ITPK1: variants seen among roughly 807,000 people sequenced by gnomAD.
ITPK1 encodes the protein inositol-tetrakisphosphate 1-kinase.
Under a neutral mutation model 45.3 loss-of-function variants are expected in ITPK1, and 21 were observed. The observed-to-expected ratio is 0.46, with a 90% CI of 0.33 to 0.67. The LOEUF is 0.67. Ranked by LOEUF, ITPK1 falls within the 30% of genes least tolerant of loss-of-function variation. The pLI, the probability that ITPK1 is intolerant of heterozygous loss-of-function variation, is 0.02. For synonymous variants in ITPK1, 258 were observed against 253.6 expected (o/e 1.02, Z -0.16); for missense variants, 474 against 573.5 (o/e 0.83, Z 1.77).
chr14:92,951,915 C>A, intron 9 of ITPK1, 31 bp downstream of exon 9: 1 of 1,549,738 alleles, frequency 6.5e-7, no homozygotes, highest in African/African-American at 1.4e-5. Context: ...AGGGCAGTTT[C>A]AGGCCAGGCC....
At chr14:93,028,090 C>T (rs1888836442) in intron 3 of ITPK1, among the ~76,000 whole-genome samples, 1 of 152,224 alleles carries the variant, frequency 6.6e-6, no homozygotes, top group African/African-American at 2.4e-5. Context: ...CCCAACATGC[C>T]CTGGTTCCCT....
chr14:92,987,340 G>A (rs1050647329), intron 5 of ITPK1, among the ~76,000 whole-genome samples: 2 of 152,310 alleles, frequency 1.3e-5, no homozygotes, highest in South Asian at 2.1e-4. Flanking sequence ...ATGTGGGGGC[G>A]TGCTCCCTGA....
At chr14:92,953,170 C>T (rs1012044813) in intron 8 of ITPK1, among the ~76,000 whole-genome samples, 2 of 152,260 alleles carry the variant, frequency 1.3e-5, no homozygotes, top group Admixed American at 6.5e-5. Flanking sequence ...AGCTCCAGGA[C>T]TTCACAGCGC....
At chr14:92,942,627 C>A (rs1046986098) in intron 10 of ITPK1, among the ~76,000 whole-genome samples, 1 of 152,236 alleles carries the variant, frequency 6.6e-6, no homozygotes, top group Non-Finnish European at 1.5e-5. Context: ...AGGCCTGAGA[C>A]AAGCTCCAGG....
chr14:93,074,281 A>G (rs1184631813), intron 3 of ITPK1, among the ~76,000 whole-genome samples: 1 of 152,220 alleles, frequency 6.6e-6, no homozygotes, highest in African/African-American at 2.4e-5. Flanking sequence ...AACAGCATAC[A>G]TGTCTAGAAA....
intron 3 of ITPK1, among the ~76,000 whole-genome samples, chr14:93,029,176 C>T (rs979854137): frequency 3.3e-5 from 5 of 152,052 alleles, no homozygotes; most frequent in South Asian, 2.1e-4. Context: ...TGCTTTGCTC[C>T]GAAAAAAGGA....
chr14:93,078,011 A>G (rs1891297575), intron 2 of ITPK1, among the ~76,000 whole-genome samples: 1 of 152,196 alleles, frequency 6.6e-6, no homozygotes, highest in Non-Finnish European at 1.5e-5. Flanking sequence ...AGCAGGGACT[A>G]TGCCAAACTT....
At chr14:93,092,572 G>A (rs973846340) in intron 2 of ITPK1, among the ~76,000 whole-genome samples, 1 of 152,220 alleles carries the variant, frequency 6.6e-6, no homozygotes, top group Non-Finnish European at 1.5e-5. Flanking sequence ...GCCAGCACTG[G>A]CCCTCAACGG....
chr14:92,988,965 G>C (rs187151578), intron 5 of ITPK1, among the ~76,000 whole-genome samples: 1 of 152,114 alleles, frequency 6.6e-6, no homozygotes, highest in Non-Finnish European at 1.5e-5. Context: ...GAGGGGTGGC[G>C]GTGGCAATGG....
At chr14:93,087,890 G>A (rs781352744) in intron 2 of ITPK1, among the ~76,000 whole-genome samples, 26 of 152,242 alleles carry the variant, frequency 1.7e-4, no homozygotes, top group Non-Finnish European at 3.2e-4. Flanking sequence ...TCCCTGATGG[G>A]AATGGCGGGA....
intron 5 of ITPK1, among the ~76,000 whole-genome samples, chr14:92,979,004 C>T (rs1039347748): frequency 5.3e-5 from 8 of 152,084 alleles, no homozygotes; most frequent in African/African-American, 1.2e-4. Flanking sequence ...TGTCAGCCCA[C>T]GAAAGCAGCT....
Position 93,066,438 on chromosome 14 carries a change from G to A in ITPK1, c.120+10157C>T, listed in dbSNP as rs1002253016. On this transcript the variant is annotated intron_variant, in intron 3 of 10. Transcript: ENST00000267615. Reference sequence around the variant, plus strand: ...TTTTTTTTTTTTGAGACGGAGTCTTGCTCTGTCACAGGCTAGAGTTCAGTG... The same window carrying A: ...TTTTTTTTTTTTGAGACGGAGTCTTACTCTGTCACAGGCTAGAGTTCAGTG... The A allele has an allele frequency of 4.0e-4, 135 of 338,656 alleles. 1 individual carries two copies. The highest frequency in any genetic ancestry group is 1.0e-4 in the Non-Finnish European group (18 of 175,466). 21.0% of individuals were successfully genotyped at this position (338,656 alleles called of 1,614,324 possible).
At chr14:93,041,796 G>C (rs1889574491) in intron 3 of ITPK1, among the ~76,000 whole-genome samples, 1 of 152,226 alleles carries the variant, frequency 6.6e-6, no homozygotes, top group Non-Finnish European at 1.5e-5. Context: ...GGTGACAAGA[G>C]TTCCTGGCCT....
At chr14:93,079,310 A>C (rs1172641697) in intron 2 of ITPK1, among the ~76,000 whole-genome samples, 1 of 152,234 alleles carries the variant, frequency 6.6e-6, no homozygotes, top group Non-Finnish European at 1.5e-5. Flanking sequence ...GTGGCAGAAA[A>C]GAGGGGGCCA....
In ITPK1 at chr14:93,012,414, C is replaced by T. The variant is rs1010597045; in HGVS notation, c.246+4262G>A. ...GTGCAAAGGCGCTGAGGTGGACACA[C>T]ATCAGAGCCTGGGCAGCTGCTGAGG... On this transcript the variant is annotated intron_variant, in intron 4 of 10. Coordinates refer to ENST00000267615, the MANE Select transcript of ITPK1 (RefSeq NM_014216.6). The surrounding 1 kb of genome is among the most constrained non-coding windows in gnomAD (Gnocchi z 4.9). Among the ~76,000 whole-genome samples, 9 of 152,198 alleles carry T rather than the reference C, an allele frequency of 5.9e-5. No individual in the cohort carries two copies. The highest frequency in any genetic ancestry group is 1.0e-4 in the Non-Finnish European group (7 of 68,034).
Position 93,016,720 on chromosome 14 carries a change from C to A in ITPK1, c.202G>T (p.Asp68Tyr). Residue 68 changes from aspartate to tyrosine, a missense_variant, in exon 4 of 11, where the codon GAC becomes TAC. Transcript: ENST00000267615. The surrounding 1 kb of genome is among the most constrained non-coding windows in gnomAD (Gnocchi z 5.0). ...HKLTDVILEA[D>Y]QNDSQSLELV... ...TCCAGGGACTGGCTATCATTCTGGT[C>A]GGCTTCAAGGATGACGTCAGTCAGC... is the stretch of plus-strand genomic sequence containing the variant. 2 of 1,614,130 alleles carry A rather than the reference C, an allele frequency of 1.2e-6. No homozygotes were observed. The highest frequency in any genetic ancestry group is 1.7e-6 in the Non-Finnish European group (2 of 1,180,010).
intron 2 of ITPK1, among the ~76,000 whole-genome samples, chr14:93,100,957 T>C (rs887391480): frequency 1.3e-5 from 2 of 152,174 alleles, no homozygotes; most frequent in African/African-American, 4.8e-5. Flanking sequence ...ACGTCCCAGA[T>C]GGCTGCGTCA....
rs754882912 is a variant in ITPK1 at position 92,962,829 on chromosome 14, G to A, written c.385C>T (p.Pro129Ser). The A allele has an allele frequency of 1.2e-5, 20 of 1,613,488 alleles. No homozygotes were observed. The highest frequency in any genetic ancestry group is 1.7e-5 in the Non-Finnish European group (20 of 1,179,630). The change falls in exon 6 of 11, where the codon CCC becomes TCC. Residue 129 changes from proline to serine, a missense_variant. Around this residue, in one of 2 missense-constraint regions of ITPK1, gnomAD observed 367 missense variants for 480.6 expected, o/e 0.76. Coordinates refer to ENST00000267615, the MANE Select transcript of ITPK1 (RefSeq NM_014216.6). ...CACAGGCTCGTGAGCTCCATGAAGG[G>A]TGGCGAGCAGATCCTGTCGTCTAGG... ...YMEDDRICSP[P>S]FMELTSLCGD...
intron 4 of ITPK1, among the ~76,000 whole-genome samples, chr14:93,007,301 C>A (rs1437340915): frequency 6.6e-6 from 1 of 152,220 alleles, no homozygotes; most frequent in African/African-American, 2.4e-5. Flanking sequence ...AGAAGAGCAG[C>A]TTCCCTACAT....
Sources: gnomAD v4.1 joint callset for allele counts (sites outside exome capture counted in the v4.1 genomes callset) on GRCh38, gnomAD v4.1.1 for gene constraint, gnomAD v4.1.1 regional missense constraint, Gnocchi (gnomAD v3.1) non-coding constraint, MANE v1.5 for transcripts, NCBI Gene and HGNC (gene_info 2026-07-23, HGNC 2026-07-21) for gene names.